The following ZSCAN25 variants were observed in gnomAD, a reference collection of about 807,000 sequenced individuals.
ZSCAN25 encodes zinc finger and SCAN domain-containing protein 25.
ZSCAN25 carries 27 observed loss-of-function variants against 38.7 expected under a neutral mutation model. The observed-to-expected ratio is 0.70, with a 90% CI of 0.51 to 0.96. The LOEUF (loss-of-function observed/expected upper bound fraction) is 0.96, where lower values mean the gene tolerates loss of function less well. Ranked by LOEUF, ZSCAN25 falls within the 40% of genes least tolerant of loss-of-function variation. ZSCAN25 has a pLI of 0.00. For synonymous variants in ZSCAN25, 273 were observed against 277.7 expected (o/e 0.98, Z 0.17); for missense variants, 637 against 705.9 (o/e 0.90, Z 1.11).
At chr7:99,678,295 A>G in the ZSCAN25 span, among the ~76,000 whole-genome samples, 1 of 152,144 alleles carries the variant, frequency 6.6e-6, no homozygotes, top group Non-Finnish European at 1.5e-5. Context: ...TGGGGCCAGG[A>G]CCCATGAATA....
At chr7:99,641,948 A>G in the ZSCAN25 span, among the ~76,000 whole-genome samples, 3 of 152,192 alleles carry the variant, frequency 2.0e-5, no homozygotes, top group South Asian at 2.1e-4. Context: ...ATGATTTTAC[A>G]TGTTGTTTGG....
chr7:99,689,436 C>G, the ZSCAN25 span, among the ~76,000 whole-genome samples: 5 of 152,056 alleles, frequency 3.3e-5, no homozygotes, highest in East Asian at 1.9e-4. Context: ...ATAAATTCCT[C>G]GACACATACA....
At chr7:99,638,706 G>A in the ZSCAN25 span, 1 of 1,378,442 alleles carries the variant, frequency 7.3e-7, no homozygotes. Context: ...CCGCATCCAG[G>A]CGCAACATGA....
chr7:99,704,449 C>A, the ZSCAN25 span, among the ~76,000 whole-genome samples: 1 of 151,966 alleles, frequency 6.6e-6, no homozygotes, highest in Non-Finnish European at 1.5e-5. Context: ...TGCCACCATA[C>A]CTAGCTAATT....
chr7:99,722,402 TG>T, the ZSCAN25 span: 1 of 1,594,826 alleles, frequency 6.3e-7, no homozygotes, highest in Non-Finnish European at 8.6e-7. Context: ...TACTTAACCC[TG>T]CCTCTAATTG....
the ZSCAN25 span, chr7:99,666,935 T>C: frequency 7.5e-6 from 12 of 1,610,400 alleles, no homozygotes; most frequent in East Asian, 1.6e-4. Context: ...TAATTAAGAC[T>C]CATCTTATTT....
intron 7 of ZSCAN25, among the ~76,000 whole-genome samples, chr7:99,627,736 C>G (rs1197504560): frequency 6.8e-6 from 1 of 146,670 alleles, no homozygotes; most frequent in Non-Finnish European, 1.5e-5. Context: ...CTCGTATATG[C>G]TGTATACGTA....
At chr7:99,714,806 C>A in the ZSCAN25 span, 1 of 1,492,834 alleles carries the variant, frequency 6.7e-7, no homozygotes, top group Non-Finnish European at 9.0e-7. Context: ...AACTGGAAGC[C>A]ATTCCTTCTA....
the ZSCAN25 span, among the ~76,000 whole-genome samples, chr7:99,699,777 C>G: frequency 6.6e-6 from 1 of 152,172 alleles, no homozygotes. Context: ...GTGGCTGGGA[C>G]AAATGCTTAT....
At chr7:99,660,738 T>C in the ZSCAN25 span, 1 of 1,517,558 alleles carries the variant, frequency 6.6e-7, no homozygotes, top group Non-Finnish European at 9.0e-7. Context: ...TAAGTGAAGC[T>C]CTCTAATCCC....
intron 6 of ZSCAN25, among the ~76,000 whole-genome samples, 200 bp from the exon 7 acceptor site, chr7:99,623,857 G>A (rs1242972900): frequency 2.6e-5 from 4 of 152,204 alleles, no homozygotes; most frequent in Non-Finnish European, 1.5e-5. Context: ...GCTGCAGAGT[G>A]GAAATGAGGT....
the ZSCAN25 span, among the ~76,000 whole-genome samples, chr7:99,686,753 C>T: frequency 2.6e-5 from 4 of 151,724 alleles, no homozygotes; most frequent in East Asian, 1.9e-4. Flanking sequence ...GGGAGGCACC[C>T]CCCCCCCAGT....
chr7:99,619,749 T>C lies in ZSCAN25; in HGVS notation c.143T>C (p.Phe48Ser). 1 of 1,614,246 alleles carries C rather than the reference T, an allele frequency of 6.2e-7. No individual in the cohort carries two copies. The highest frequency in any genetic ancestry group is 8.5e-7 in the Non-Finnish European group (1 of 1,180,040). The change falls in exon 4 of 8, where the codon TTC becomes TCC. Residue 48 changes from phenylalanine (F) to serine (S), a missense_variant. Coordinates refer to ENST00000394152, the MANE Select transcript of ZSCAN25 (RefSeq NM_145115.3). ...PETFRLRFRQFRYQEAAGPQE... is the reference protein window; with the variant it reads ...PETFRLRFRQSRYQEAAGPQE... ...ACTTTTCGGCTGAGGTTTCGGCAGT[T>C]CCGCTACCAGGAGGCAGCTGGACCC...
In ZSCAN25 at chr7:99,621,691, A is replaced by G. The variant is rs375058158; in HGVS notation, c.589+117A>G. The G allele has an allele frequency of 1.9e-4, 167 of 882,328 alleles. No homozygotes were observed. In the African/African-American group the frequency reaches 2.8e-3, roughly 15 times the overall value. 54.7% of individuals were successfully genotyped at this position (882,328 alleles called of 1,614,324 possible). On this transcript the variant is annotated intron_variant, in intron 5 of 7. Transcript: ENST00000394152. ...AGTTACCCACGAGGTGTAATTGTGAATTTTCTTGGCTACTTCCTCCACCTT... is the reference window on the plus strand; with the variant it reads ...AGTTACCCACGAGGTGTAATTGTGAGTTTTCTTGGCTACTTCCTCCACCTT...
At chr7:99,660,270 A>G in the ZSCAN25 span, 1 of 1,037,636 alleles carries the variant, frequency 9.6e-7, no homozygotes, top group Non-Finnish European at 1.1e-6. Flanking sequence ...TGATAACAGT[A>G]AACAGGTGAA....
At chr7:99,690,187 C>A in the ZSCAN25 span, among the ~76,000 whole-genome samples, 2 of 152,004 alleles carry the variant, frequency 1.3e-5, no homozygotes. Context: ...CTGACAAAAG[C>A]AATGGGGAAA....
At chr7:99,672,670 T>G in the ZSCAN25 span, 1 of 1,614,120 alleles carries the variant, frequency 6.2e-7, no homozygotes, top group Non-Finnish European at 8.5e-7. Context: ...GGAGTTGACC[T>G]TCATACGTTC....
the ZSCAN25 span, among the ~76,000 whole-genome samples, chr7:99,685,606 C>T: frequency 1.3e-5 from 2 of 152,208 alleles, no homozygotes; most frequent in Non-Finnish European, 2.9e-5. Flanking sequence ...ATCAGGCACA[C>T]GAGCATGGGA....
At chr7:99,691,525 A>G in the ZSCAN25 span, among the ~76,000 whole-genome samples, 1 of 152,158 alleles carries the variant, frequency 6.6e-6, no homozygotes, top group African/African-American at 2.4e-5. Flanking sequence ...TATTGTGTGG[A>G]GTCTAAGTCT....
Sources: allele counts gnomAD v4.1 joint callset (sites outside exome capture counted in the v4.1 genomes callset), GRCh38; gene constraint gnomAD v4.1.1; transcripts MANE v1.5; gene names NCBI Gene and HGNC (gene_info 2026-07-23, HGNC 2026-07-21).